Variants in GALM observed in about 807,000 individuals in gnomAD.
GALM encodes the protein aldose 1-epimerase.
In GALM, 43 loss-of-function variants were observed where a neutral mutation model predicts 37.4. The ratio of observed to expected loss-of-function variants is 1.15; its 90% CI spans 0.90 to 1.48. The LOEUF is 1.48. GALM is among the 40% of genes most tolerant of loss of function. The pLI is 0.00. For synonymous variants in GALM, 199 were observed against 170.6 expected, an observed-to-expected ratio of 1.17 and a Z score of -1.30; for missense variants, 456 against 419.1, an observed-to-expected ratio of 1.09 and a Z score of -0.77.
intron 4 of GALM, among the ~76,000 whole-genome samples, chr2:38,694,246 A>T (rs1441728272): frequency 2.0e-5 from 3 of 152,212 alleles, no homozygotes; most frequent in East Asian, 3.8e-4. Context: ...GAAAGAAAAG[A>T]AAAGTAAATT....
At chr2:38,729,772 T>C in intron 5 of GALM, 75 bp downstream of exon 5, 4 of 1,238,644 alleles carry the variant, frequency 3.2e-6, no homozygotes, top group Non-Finnish European at 4.7e-6. Flanking sequence ...GAGCTTTTCC[T>C]CTGGCCATAT....
chr2:38,675,536 T>TGTTTTGTTTTG (rs1342933113), intron 1 of GALM, among the ~76,000 whole-genome samples: 69 of 93,098 alleles, frequency 7.4e-4, no homozygotes, highest in African/African-American at 3.2e-3. Flanking sequence ...GTTTTTTTTT[T>TGTTTTGTTTTG]TTTTTTTTGT....
Position 38,675,921 on chromosome 2 carries a change from A to G in GALM, c.200A>G (p.Gln67Arg), listed in dbSNP as rs1304320521. The G allele has an allele frequency of 3.1e-6, 5 of 1,614,048 alleles. No homozygotes were observed. The highest frequency in any genetic ancestry group is 4.2e-6 in the Non-Finnish European group (5 of 1,179,996). Reference protein sequence around the residue: ...LGFAELEGYLQKQPYFGAVIG... With the variant: ...LGFAELEGYLRKQPYFGAVIG... ...TCCCTTGTCCTTGCAGGATACCTCC[A>G]AAAGCAGCCATACTTTGGAGCAGTT... The change falls in exon 2 of 7, where the codon CAA becomes CGA. Residue 67 changes from glutamine to arginine, a missense_variant. Physicochemically the swap from Gln to Arg is conservative, Grantham distance 43. Transcript: ENST00000272252.
At chr2:38,689,749 G>A (rs1046054372) in intron 3 of GALM, 64 bp from the exon 4 acceptor site, 7 of 982,978 alleles carry the variant, frequency 7.1e-6, no homozygotes, top group Non-Finnish European at 1.1e-5. Context: ...TGCAAGATAA[G>A]TTAAAAAACA....
At chr2:38,705,583 A>G (rs1348098207) in intron 4 of GALM, among the ~76,000 whole-genome samples, 1 of 152,122 alleles carries the variant, frequency 6.6e-6, no homozygotes, top group Non-Finnish European at 1.5e-5. Flanking sequence ...CCACAAGGAG[A>G]GTGAGAGTAC....
chr2:38,689,845 C>T lies in GALM; in HGVS notation c.585C>T (p.Thr195=). The T allele has an allele frequency of 6.2e-7, 1 of 1,611,762 alleles. No individual in the cohort carries two copies. Among genetic ancestry groups the T allele is most frequent in the Non-Finnish European group, 8.5e-7 (1 of 1,178,302 alleles). ...ASPNINDHEV[T]IEADTYLPVD... is the part of the protein sequence containing the mutation. Reference sequence around the variant, plus strand: ...CAAATATAAATGACCATGAAGTCACCATAGAAGCGGATACTTATTTGCCTG... The same window carrying T: ...CAAATATAAATGACCATGAAGTCACTATAGAAGCGGATACTTATTTGCCTG... Residue 195 remains threonine, a synonymous_variant, in exon 4 of 7, where the codon ACC becomes ACT. Transcript: ENST00000272252.
At position 38,726,154 on chromosome 2, in the gene GALM, T is replaced by C. The variant is rs565897416; in HGVS notation, c.635-3402T>C. On this transcript the variant is annotated intron_variant, in intron 4 of 6. Coordinates refer to ENST00000272252, the MANE Select transcript of GALM (RefSeq NM_138801.3). ...CCAGAACTGATCAGGGTTTAGAGGA[T>C]GTAAAGCAACCTCTTTCTATTGTGT... Among the ~76,000 whole-genome samples the C allele has an allele frequency of 1.8e-4, 28 of 152,266 alleles. 1 individual carries two copies. The South Asian group carries it at 5.6e-3, about 30-fold the overall frequency.
chr2:38,690,408 C>T (rs1320841923), intron 4 of GALM, among the ~76,000 whole-genome samples: 1 of 151,946 alleles, frequency 6.6e-6, no homozygotes, highest in Non-Finnish European at 1.5e-5. Context: ...CACTAGGTAA[C>T]AGCTTTTGTT....
chr2:38,677,798 G>A (rs1031437971), intron 2 of GALM, among the ~76,000 whole-genome samples: 3 of 152,150 alleles, frequency 2.0e-5, no homozygotes, highest in Non-Finnish European at 4.4e-5. Flanking sequence ...AGTATAAAGA[G>A]GGAGATGGAC....
At chr2:38,707,168 G>T (rs1040636077) in intron 4 of GALM, among the ~76,000 whole-genome samples, 1 of 152,074 alleles carries the variant, frequency 6.6e-6, no homozygotes, top group Admixed American at 6.6e-5. Flanking sequence ...AGGTTAGGGT[G>T]CCTGTGGGGT....
intron 4 of GALM, among the ~76,000 whole-genome samples, chr2:38,724,327 C>T (rs1489923032): frequency 6.6e-6 from 1 of 152,118 alleles, no homozygotes; most frequent in East Asian, 1.9e-4. Flanking sequence ...TGAGAAAAGT[C>T]TATTCTAAGT....
chr2:38,725,765 G>A (rs966654517), intron 4 of GALM, among the ~76,000 whole-genome samples: 1 of 151,820 alleles, frequency 6.6e-6, no homozygotes, highest in Non-Finnish European at 1.5e-5. Flanking sequence ...TGTCTGGAGT[G>A]CAGTGGTGAA....
At chr2:38,687,072 T>A (rs1665556270) in intron 3 of GALM, among the ~76,000 whole-genome samples, 1 of 152,192 alleles carries the variant, frequency 6.6e-6, no homozygotes, top group African/African-American at 2.4e-5. Context: ...CAAAGCCCTC[T>A]GTGTTGAGCT....
At chr2:38,693,479 C>T (rs6729180) in intron 4 of GALM, among the ~76,000 whole-genome samples, 47,096 of 140,852 alleles carry the variant, frequency 0.33, 8,844 homozygotes, top group African/African-American at 0.55. Context: ...CGAGACTCTG[C>T]TTCCAAAAAA....
intron 3 of GALM, among the ~76,000 whole-genome samples, chr2:38,682,892 G>A (rs1188102513): frequency 1.6e-4 from 23 of 143,180 alleles, no homozygotes; most frequent in African/African-American, 4.1e-4. Context: ...GTGAAACTCC[G>A]TCTTTAAAAA....
intron 6 of GALM, among the ~76,000 whole-genome samples, chr2:38,732,919 T>TAAAAA (rs11424376): frequency 1.0e-5 from 1 of 97,942 alleles, no homozygotes. Flanking sequence ...ACCCTGTCTT[T>TAAAAA]AAAAAAAAAA....
rs1572508668 is a variant in GALM at position 38,671,712 on chromosome 2, A to C, written c.191-4200A>C. Among the ~76,000 whole-genome samples, 2 of 152,312 alleles carry C rather than the reference A, an allele frequency of 1.3e-5. 1 individual carries two copies. The highest frequency in any genetic ancestry group is 1.3e-4 in the Admixed American group (2 of 15,282). On this transcript the variant is annotated intron_variant, in intron 1 of 6. Coordinates refer to ENST00000272252, the MANE Select transcript of GALM (RefSeq NM_138801.3). ...TTAAATTCTTAAAAACTATTCCTCC[A>C]GGGGCACAGTGGCTCTCACCTGTAA... is the stretch of plus-strand genomic sequence containing the variant.
chr2:38,719,643 C>A (rs1343370140), intron 4 of GALM, among the ~76,000 whole-genome samples: 1 of 150,992 alleles, frequency 6.6e-6, no homozygotes, highest in Admixed American at 6.6e-5. Flanking sequence ...GGTGTGGTGG[C>A]GGGCACCTAT....
At chr2:38,722,042 CCCCCCCCCCCA>C in intron 4 of GALM, among the ~76,000 whole-genome samples, 1 of 85,338 alleles carries the variant, frequency 1.2e-5, no homozygotes, top group Non-Finnish European at 2.1e-5. Context: ...CCCCCCCCAC[CCCCCCCCCCCA>C]CCTAGAACAG....
Sources: gnomAD v4.1 joint callset for allele counts (sites outside exome capture counted in the v4.1 genomes callset) on GRCh38, gnomAD v4.1.1 for gene constraint, MANE v1.5 for transcripts, NCBI Gene and HGNC (gene_info 2026-07-23, HGNC 2026-07-21) for gene names.